Variants in CA13 observed in about 807,000 individuals in gnomAD.
The protein encoded by CA13 is carbonic anhydrase 13.
A neutral mutation model predicts 31.5 loss-of-function variants in CA13; 21 were observed. The observed-to-expected ratio is 0.67, with a 90% CI of 0.47 to 0.96. The LOEUF is 0.96. Among genes scored for constraint, CA13 ranks in the 40% least tolerant of loss-of-function variants. CA13 has a pLI of 0.00. For synonymous variants in CA13, 117 were observed against 111.4 expected (o/e 1.05, Z -0.32); for missense variants, 315 against 318.9 (o/e 0.99, Z 0.09).
intron 1 of CA13, among the ~76,000 whole-genome samples, chr8:85,250,435 T>C (rs1407330514): frequency 6.6e-6 from 1 of 152,204 alleles, no homozygotes; most frequent in Non-Finnish European, 1.5e-5. Flanking sequence ...AGTTGTATTA[T>C]TGTTTTTAGT....
chr8:85,267,294 T>C, intron 4 of CA13: 2 of 985,908 alleles, frequency 2.0e-6, no homozygotes, highest in Non-Finnish European at 2.4e-6. Context: ...ATGGCAACAA[T>C]TCCTTGCCTT....
chr8:85,250,656 C>A, intron 1 of CA13, 84 bp from the exon 2 acceptor site: 1 of 819,028 alleles, frequency 1.2e-6, no homozygotes, highest in Non-Finnish European at 1.9e-6. Flanking sequence ...TCTTCAATTT[C>A]AAGCACAGTG....
At chr8:85,259,608 A>C in intron 3 of CA13, 69 bp downstream of exon 3, 5 of 1,247,390 alleles carry the variant, frequency 4.0e-6, no homozygotes, top group Non-Finnish European at 5.9e-6. Context: ...TACAGAGACA[A>C]CTTTACTGAT....
rs1564006666 is a variant in CA13 at position 85,281,460 on chromosome 8, A to G, written c.*111A>G. On this transcript the variant is annotated 3_prime_UTR_variant, in exon 7 of 7. Transcript: ENST00000321764. The stretch of plus-strand genomic sequence containing the variant: ...TTTTGTGGAATTCTAATTTATAGGA[A>G]ACATTTTAGTATGAGCTTCAGTGTC... 1 of 1,487,152 alleles carries G rather than the reference A, an allele frequency of 6.7e-7. No individual in the cohort carries two copies. Among genetic ancestry groups the G allele is most frequent in the South Asian group, 1.4e-5 (1 of 72,946 alleles). The allele number at this position is 1,487,152 out of a possible 1,614,324, so 92.1% of individuals were successfully genotyped here.
intron 2 of CA13, among the ~76,000 whole-genome samples, chr8:85,255,962 T>C (rs1807286601): frequency 6.6e-6 from 1 of 151,810 alleles, no homozygotes. Context: ...GAGCAACAAC[T>C]ATGTCTTACT....
rs1270938702 is a variant in CA13, at chr8:85,282,150, G to A, written c.*801G>A. 6.6e-6 allele frequency: 1 copy of A among 152,142 alleles called. No individual in the cohort carries two copies. The highest frequency in any genetic ancestry group is 1.9e-4 in the East Asian group (1 of 5,200). The allele number at this position is 152,142 out of a possible 1,614,324, so 9.4% of individuals were successfully genotyped here. A position where few individuals can be genotyped will look rare whatever the true frequency, so the allele number is the denominator to read the frequency against. On this transcript the variant is annotated 3_prime_UTR_variant, in exon 7 of 7. Coordinates refer to ENST00000321764, the MANE Select transcript of CA13 (RefSeq NM_198584.3). ...TTTTCCTATAAGGATAATTTTTGCA[G>A]TGATTATATTGCTAACTCTCATTGC... is the stretch of plus-strand genomic sequence containing the variant.
intron 3 of CA13, among the ~76,000 whole-genome samples, chr8:85,263,455 A>G (rs895061581): frequency 1.3e-5 from 2 of 152,178 alleles, no homozygotes; most frequent in Non-Finnish European, 2.9e-5. Flanking sequence ...AAGGTTATGG[A>G]AGTCATTCAA....
intron 6 of CA13, among the ~76,000 whole-genome samples, chr8:85,270,754 C>G (rs1368928355): frequency 6.6e-6 from 1 of 152,000 alleles, no homozygotes; most frequent in Non-Finnish European, 1.5e-5. Context: ...GTTTTCAATC[C>G]ACCAGTGATT....
At chr8:85,264,040 A>G (rs990937523) in intron 3 of CA13, among the ~76,000 whole-genome samples, 8 of 152,210 alleles carry the variant, frequency 5.3e-5, no homozygotes, top group Admixed American at 1.3e-4. Flanking sequence ...TTTAGGCCTA[A>G]TATGATGGTT....
At chr8:85,267,111 T>C (rs924770673) in intron 4 of CA13, 1 of 351,048 alleles carries the variant, frequency 2.8e-6, no homozygotes, top group Non-Finnish European at 4.0e-6. Context: ...AAAAATTTTA[T>C]TGTATTTCCT....
chr8:85,273,591 G>T (rs1807557746), intron 6 of CA13, among the ~76,000 whole-genome samples: 2 of 152,088 alleles, frequency 1.3e-5, no homozygotes, highest in Non-Finnish European at 2.9e-5. Flanking sequence ...GATAGCAGAA[G>T]CAGGAAGAGA....
At chr8:85,261,361 C>T (rs1259100417) in intron 3 of CA13, among the ~76,000 whole-genome samples, 1 of 152,138 alleles carries the variant, frequency 6.6e-6, no homozygotes, top group African/African-American at 2.4e-5. Flanking sequence ...AAATCAGAAG[C>T]ATCTTGGAAT....
intron 1 of CA13, among the ~76,000 whole-genome samples, chr8:85,250,161 A>G (rs1813801938): frequency 6.6e-6 from 1 of 152,246 alleles, no homozygotes. Context: ...TATTTGGATT[A>G]TCCTAGGTGA....
chr8:85,262,254 G>A (rs941877318), intron 3 of CA13, among the ~76,000 whole-genome samples: 1 of 152,074 alleles, frequency 6.6e-6, no homozygotes, highest in Non-Finnish European at 1.5e-5. Context: ...TCTTTACACA[G>A]CTTACTGATG....
chr8:85,254,958 A>G (rs1021100362), intron 2 of CA13, among the ~76,000 whole-genome samples: 1 of 152,028 alleles, frequency 6.6e-6, no homozygotes, highest in Admixed American at 6.5e-5. Flanking sequence ...CAGGCATGAA[A>G]TCTTCCTCAT....
chr8:85,258,657 C>A, intron 2 of CA13, among the ~76,000 whole-genome samples: 1 of 142,906 alleles, frequency 7.0e-6, no homozygotes, highest in South Asian at 2.2e-4. Flanking sequence ...GGTTTGTTGC[C>A]AGGTGTGGTA....
At chr8:85,246,188 A>G (rs1022255059) in intron 1 of CA13, 39 of 505,358 alleles carry the variant, frequency 7.7e-5, no homozygotes, top group Non-Finnish European at 1.3e-4. Flanking sequence ...CCACGTATCA[A>G]TTACAGGCTT....
intron 6 of CA13, among the ~76,000 whole-genome samples, chr8:85,280,984 T>G (rs1807695295): frequency 6.6e-6 from 1 of 152,208 alleles, no homozygotes; most frequent in Admixed American, 6.5e-5. Context: ...TCTAGATGTT[T>G]CCTCTTGTTG....
At chr8:85,271,300 A>T (rs545492502) in intron 6 of CA13, among the ~76,000 whole-genome samples, 18 of 152,324 alleles carry the variant, frequency 1.2e-4, no homozygotes, top group African/African-American at 4.3e-4. Context: ...ATGCCTATGG[A>T]GATATGAATA....
Sources: gnomAD v4.1 joint callset for allele counts (sites outside exome capture counted in the v4.1 genomes callset) on GRCh38, gnomAD v4.1.1 for gene constraint, MANE v1.5 for transcripts, NCBI Gene and HGNC (gene_info 2026-07-23, HGNC 2026-07-21) for gene names.